Variants in GLG1 observed in about 807,000 individuals in gnomAD.
GLG1 encodes the protein Golgi apparatus protein 1.
GLG1 carries 38 observed loss-of-function variants against 160.5 expected under a neutral mutation model. The observed-to-expected ratio is 0.24, with a 90% CI of 0.18 to 0.31. The LOEUF (loss-of-function observed/expected upper bound fraction) is 0.31. Among genes scored for constraint, GLG1 ranks in the 10% least tolerant of loss-of-function variants. The pLI, the probability that GLG1 is intolerant of heterozygous loss-of-function variation, is 1.00. For synonymous variants in GLG1, 644 were observed against 543.4 expected, an observed-to-expected ratio of 1.19 and a Z score of -2.57; for missense variants, 1,373 against 1,505.2, an observed-to-expected ratio of 0.91 and a Z score of 1.45.
intron 1 of GLG1, among the ~76,000 whole-genome samples, chr16:74,567,549 AC>A (rs1298717323): frequency 2.2e-5 from 3 of 136,492 alleles, no homozygotes; most frequent in Non-Finnish European, 4.6e-5. Flanking sequence ...TATATGGTGC[AC>A]TTTCTTTTTT....
chr16:74,483,119 A>ATTT lies in GLG1; in HGVS notation c.1576_1577insAAA (p.Leu526delinsTer). 1 of 1,578,850 alleles carries ATTT rather than the reference A, an allele frequency of 6.3e-7. No individual in the cohort carries two copies. Among genetic ancestry groups the ATTT allele is most frequent in the Non-Finnish European group, 8.7e-7 (1 of 1,148,042 alleles). On this transcript the variant is annotated stop_gained, in exon 10 of 26. Coordinates refer to ENST00000422840, the MANE Select transcript of GLG1 (RefSeq NM_001145667.2). LOFTEE classifies it high-confidence loss of function. ...GTATAAATGTTCCATCAGGCACGAC[A>ATTT]AGATCCTAGCCATTAAATGTGTAAA...
intron 7 of GLG1, among the ~76,000 whole-genome samples, chr16:74,492,211 C>A (rs2016023372): frequency 6.7e-6 from 1 of 149,226 alleles, no homozygotes; most frequent in Non-Finnish European, 1.5e-5. Context: ...ATGGTGAAAT[C>A]CCATCTCTAC....
In GLG1 at chr16:74,452,826, T is replaced by C. The variant is rs1316377609; in HGVS notation, c.*341A>G. 8.7e-6 allele frequency: 9 copies of C among 1,031,206 alleles called. No individual in the cohort carries two copies. The highest frequency in any genetic ancestry group is 1.0e-5 in the Non-Finnish European group (9 of 860,224). 63.9% of individuals were successfully genotyped at this position (1,031,206 alleles called of 1,614,324 possible). ...AAAAAAATTTTTTTTTTTGGTGGTT[T>C]TCTTAAAAAAGCCTTTGAGTTGCAG... On this transcript the variant is annotated 3_prime_UTR_variant, in exon 26 of 26. Coordinates refer to ENST00000422840, the MANE Select transcript of GLG1 (RefSeq NM_001145667.2).
chr16:74,485,957 T>G (rs1245825104), intron 8 of GLG1, 40 bp from the exon 9 acceptor site: 13 of 1,568,184 alleles, frequency 8.3e-6, no homozygotes, highest in Non-Finnish European at 1.0e-5. Flanking sequence ...AGAAAGTCAC[T>G]TAGGTGCTAG....
intron 1 of GLG1, among the ~76,000 whole-genome samples, chr16:74,554,453 C>T (rs1211254080): frequency 3.3e-5 from 5 of 152,168 alleles, no homozygotes; most frequent in Admixed American, 2.0e-4. Context: ...ACAATCACTT[C>T]ATCCCAGGAA....
At chr16:74,466,885 G>T (rs2015018846) in intron 18 of GLG1, among the ~76,000 whole-genome samples, 2 of 152,150 alleles carry the variant, frequency 1.3e-5, no homozygotes, top group African/African-American at 4.8e-5. Context: ...AGACATGGAA[G>T]ACGGACTCAG....
intron 1 of GLG1, among the ~76,000 whole-genome samples, chr16:74,570,688 G>A (rs1052835496): frequency 6.6e-6 from 1 of 152,138 alleles, no homozygotes; most frequent in African/African-American, 2.4e-5. Flanking sequence ...TTGAGATCAG[G>A]AGTTTGAGAC....
chr16:74,506,581 C>CAAAAAAAAAAA (rs56175030), intron 3 of GLG1, among the ~76,000 whole-genome samples: 1,748 of 39,006 alleles, frequency 0.045, 530 homozygotes, highest in Admixed American at 0.1. Flanking sequence ...GACTCCGTCT[C>CAAAAAAAAAAA]AAAAAAAAAA....
chr16:74,566,992 T>C (rs146471890), intron 1 of GLG1, among the ~76,000 whole-genome samples: 1 of 152,256 alleles, frequency 6.6e-6, no homozygotes, highest in African/African-American at 2.4e-5. Context: ...GGAGAAAATG[T>C]TTAAGATGTT....
chr16:74,562,826 A>G (rs2018546306), intron 1 of GLG1, among the ~76,000 whole-genome samples: 2 of 152,172 alleles, frequency 1.3e-5, no homozygotes, highest in South Asian at 2.1e-4. Flanking sequence ...ATCCTTCACA[A>G]TCTAGAACCT....
chr16:74,560,219 T>C (rs541410827), intron 1 of GLG1, among the ~76,000 whole-genome samples: 14 of 152,168 alleles, frequency 9.2e-5, no homozygotes, highest in East Asian at 1.9e-4. Flanking sequence ...ATTCCATCAG[T>C]TGAAGGTCTG....
chr16:74,466,583 C>A (rs2015008326), intron 18 of GLG1, among the ~76,000 whole-genome samples: 1 of 151,950 alleles, frequency 6.6e-6, no homozygotes, highest in African/African-American at 2.4e-5. Flanking sequence ...TAAAATGAAC[C>A]AAGGAGTCAA....
At chr16:74,491,936 TAAAAC>T (rs908278301) in intron 7 of GLG1, among the ~76,000 whole-genome samples, 2 of 150,754 alleles carry the variant, frequency 1.3e-5, no homozygotes, top group African/African-American at 2.4e-5. Context: ...CAGGAAAACT[TAAAAC>T]AAAAAGATTA....
intron 1 of GLG1, among the ~76,000 whole-genome samples, chr16:74,541,184 C>T (rs1348021608): frequency 2.0e-5 from 3 of 151,858 alleles, no homozygotes; most frequent in Non-Finnish European, 4.4e-5. Flanking sequence ...ATTAGCCAGG[C>T]GTGGTGGCGC....
chr16:74,458,035 GA>G, intron 23 of GLG1, 41 bp from the exon 24 acceptor site: 1 of 1,601,746 alleles, frequency 6.2e-7, no homozygotes, highest in Non-Finnish European at 8.6e-7. Context: ...TTTTGAAGGG[GA>G]AATGCATCAG....
At chr16:74,570,507 TA>T (rs1298843200) in intron 1 of GLG1, among the ~76,000 whole-genome samples, 1 of 104,280 alleles carries the variant, frequency 9.6e-6, no homozygotes, top group East Asian at 3.2e-4. Flanking sequence ...TAAAATTCTA[TA>T]CTGTGATGGA....
chr16:74,467,956 T>C (rs2015059670), intron 17 of GLG1, 108 bp from the exon 18 acceptor site: 3 of 704,464 alleles, frequency 4.3e-6, no homozygotes, highest in South Asian at 1.8e-5. Flanking sequence ...CCCTGGCTTC[T>C]ACATAGCAAA....
At position 74,594,372 on chromosome 16, in the gene GLG1, G is replaced by A. The variant is rs117469481; in HGVS notation, c.438+12285C>T. Reference sequence around the variant, plus strand: ...TTTAATAGGAAAATGTACAGGTCCTGTAAATATCACACATTCAGTCAAACA... The same window carrying A: ...TTTAATAGGAAAATGTACAGGTCCTATAAATATCACACATTCAGTCAAACA... On this transcript the variant is annotated intron_variant, in intron 1 of 25. Transcript: ENST00000422840. Among the ~76,000 whole-genome samples, 624 of 152,316 alleles carry A rather than the reference G, an allele frequency of 4.1e-3. 4 individuals carry two copies. The highest frequency in any genetic ancestry group is 0.014 in the Middle Eastern group (4 of 294).
chr16:74,599,193 TA>T (rs1266072429), intron 1 of GLG1, among the ~76,000 whole-genome samples: 1 of 150,866 alleles, frequency 6.6e-6, no homozygotes, highest in Non-Finnish European at 1.5e-5. Context: ...GAGGTAGGGA[TA>T]AAAACATCCC....
Sources: gnomAD v4.1 joint callset for allele counts (sites outside exome capture counted in the v4.1 genomes callset) on GRCh38, gnomAD v4.1.1 for gene constraint, MANE v1.5 for transcripts, NCBI Gene and HGNC (gene_info 2026-07-23, HGNC 2026-07-21) for gene names.